PPP2R2B: variants seen among roughly 807,000 people sequenced by gnomAD.
PPP2R2B encodes protein phosphatase 2 regulatory subunit Bbeta, also known as serine/threonine-protein phosphatase 2A 55 kDa regulatory subunit B beta isoform.
In PPP2R2B, 5 loss-of-function variants were observed where a neutral mutation model predicts 46.0. The ratio of observed to expected loss-of-function variants is 0.11; its 90% confidence interval spans 0.06 to 0.23. PPP2R2B has a LOEUF of 0.23. Ranked by LOEUF, PPP2R2B falls within the 10% of genes least tolerant of loss-of-function variation. The probability of loss-of-function intolerance (pLI) is 1.00; values close to 1 mark genes in which losing one functional copy is unlikely to be tolerated. For missense variants in PPP2R2B, 367 were observed against 575.0 expected, an observed-to-expected ratio of 0.64 and a Z score of 3.70; for synonymous variants, 215 against 206.7, an observed-to-expected ratio of 1.04 and a Z score of -0.34.
chr5:146,628,831 A>T (rs976069863), intron 7 of PPP2R2B, among the ~76,000 whole-genome samples: 6 of 152,130 alleles, frequency 3.9e-5, no homozygotes, highest in African/African-American at 1.4e-4. Context: ...CACCCCTCTC[A>T]TCTTTCTTGC....
intron 1 of PPP2R2B, among the ~76,000 whole-genome samples, chr5:146,952,364 T>A (rs1751655021): frequency 6.6e-6 from 1 of 152,234 alleles, no homozygotes; most frequent in East Asian, 1.9e-4. Context: ...CTCTTTTCCA[T>A]CACTGTGTGT....
intron 2 of PPP2R2B, among the ~76,000 whole-genome samples, chr5:146,782,519 T>C (rs907442118): frequency 6.6e-6 from 1 of 152,240 alleles, no homozygotes; most frequent in African/African-American, 2.4e-5. Flanking sequence ...GCCTGAGTGA[T>C]GACTACCTGA....
chr5:147,056,552 A>G (rs1757090227), upstream of PPP2R2B, among the ~76,000 whole-genome samples: 1 of 152,178 alleles, frequency 6.6e-6, no homozygotes. Flanking sequence ...GACTAAACCC[A>G]AAGGAACTGA....
In PPP2R2B at chr5:146,874,558, A is replaced by G. The variant is rs185811457; in HGVS notation, c.70+3444T>C. On this transcript the variant is annotated intron_variant, in intron 2 of 9. Coordinates refer to ENST00000394411, the MANE Select transcript of PPP2R2B (RefSeq NM_181675.4). ...CTGCATCAAATAATTTTTCTTTGGCATAGGTTCTATTGTTATTCCCACTTT... is the reference window on the plus strand; with the variant it reads ...CTGCATCAAATAATTTTTCTTTGGCGTAGGTTCTATTGTTATTCCCACTTT... Among the ~76,000 whole-genome samples, 175 of 152,322 alleles carry G rather than the reference A, an allele frequency of 1.1e-3. 1 individual carries two copies. The East Asian group carries it at 0.02, about 17-fold the overall frequency.
At chr5:146,591,184 A>T (rs1241952600) in intron 9 of PPP2R2B, among the ~76,000 whole-genome samples, 1 of 152,126 alleles carries the variant, frequency 6.6e-6, no homozygotes, top group African/African-American at 2.4e-5. Flanking sequence ...TGGAGCTCTG[A>T]CTGGCTCCTT....
At chr5:146,976,018 C>G (rs1455307220) in intron 1 of PPP2R2B, among the ~76,000 whole-genome samples, 2 of 151,476 alleles carry the variant, frequency 1.3e-5, no homozygotes, top group African/African-American at 4.9e-5. Flanking sequence ...TTTCCTGTGC[C>G]TGGTATCATA....
chr5:146,651,887 A>G (rs1174437867), intron 5 of PPP2R2B, among the ~76,000 whole-genome samples: 1 of 152,212 alleles, frequency 6.6e-6, no homozygotes, highest in African/African-American at 2.4e-5. Flanking sequence ...TTTAGAAAAA[A>G]GAATTCTCCC....
Position 146,581,712 on chromosome 5 carries a change from G to A in PPP2R2B, c.*8235C>T, listed in dbSNP as rs1289939313. On this transcript the variant is annotated 3_prime_UTR_variant, in exon 10 of 10. Coordinates refer to ENST00000394411, the MANE Select transcript of PPP2R2B (RefSeq NM_181675.4). ...TATTTCAGATCAGTTCTGTATTGTG[G>A]CTTGTATGTAATATGACTCACTTTA... 9 of 152,140 alleles carry A rather than the reference G, an allele frequency of 5.9e-5. No individual in the cohort carries two copies. Among genetic ancestry groups the A allele is most frequent in the African/African-American group, 1.9e-4 (8 of 41,424 alleles). 9.4% of individuals were successfully genotyped at this position (152,140 alleles called of 1,614,324 possible).
In PPP2R2B at chr5:146,877,992, C is replaced by A; in HGVS notation, c.70+10G>T. ...GCCCCAACGGCGGAATGCGGCGGGGCTGGCGTTACCTTCGGTCGCATAGCT... is the reference window on the plus strand; with the variant it reads ...GCCCCAACGGCGGAATGCGGCGGGGATGGCGTTACCTTCGGTCGCATAGCT... On this transcript the variant is annotated intron_variant, in intron 2 of 9. Transcript: ENST00000394411. The A allele has an allele frequency of 1.2e-6, 2 of 1,608,438 alleles. No individual in the cohort carries two copies. Among genetic ancestry groups the A allele is most frequent in the East Asian group, 2.2e-5 (1 of 44,794 alleles).
At chr5:146,927,724 G>T (rs1158510368) in intron 1 of PPP2R2B, among the ~76,000 whole-genome samples, 1 of 151,238 alleles carries the variant, frequency 6.6e-6, no homozygotes, top group Non-Finnish European at 1.5e-5. Context: ...AGACCTTGTA[G>T]CCATACTTTC....
At chr5:146,932,705 T>C (rs1764007575) in intron 1 of PPP2R2B, among the ~76,000 whole-genome samples, 1 of 152,308 alleles carries the variant, frequency 6.6e-6, no homozygotes, top group Non-Finnish European at 1.5e-5. Context: ...ATAGATTCCA[T>C]GAAGAGACTG....
intron 1 of PPP2R2B, among the ~76,000 whole-genome samples, chr5:147,004,854 C>A (rs1407849329): frequency 1.3e-5 from 2 of 152,174 alleles, no homozygotes; most frequent in African/African-American, 4.8e-5. Flanking sequence ...ACCCCACAAC[C>A]AGTGGCATAC....
chr5:146,723,646 C>T (rs1751665154), intron 2 of PPP2R2B, among the ~76,000 whole-genome samples: 1 of 152,060 alleles, frequency 6.6e-6, no homozygotes, highest in Admixed American at 6.6e-5. Context: ...GACCTCCTTG[C>T]CCCAGTTTTC....
intron 9 of PPP2R2B, 47 bp from the exon 10 acceptor site, chr5:146,590,273 CT>C (rs1770484613): frequency 1.4e-6 from 2 of 1,477,472 alleles, no homozygotes; most frequent in Non-Finnish European, 1.8e-6. Context: ...ACTGTCTTTT[CT>C]TTTTGGAGCA....
chr5:146,748,650 CT>C (rs900951387), intron 2 of PPP2R2B, among the ~76,000 whole-genome samples: 2 of 152,048 alleles, frequency 1.3e-5, no homozygotes, highest in African/African-American at 2.4e-5. Flanking sequence ...TTGGAATTGG[CT>C]TTTTTTTCCC....
intron 7 of PPP2R2B, among the ~76,000 whole-genome samples, chr5:146,624,260 T>G (rs1773895140): frequency 6.6e-6 from 1 of 152,162 alleles, no homozygotes; most frequent in South Asian, 2.1e-4. Context: ...ATTTTATGCC[T>G]TTTTAAAAAC....
chr5:147,027,634 C>CAAA (rs10636778), intron 1 of PPP2R2B, among the ~76,000 whole-genome samples: 67,854 of 124,470 alleles, frequency 0.55, 17,752 homozygotes, highest in Middle Eastern at 0.62. Flanking sequence ...GACTCGGTCT[C>CAAA]AAAAAAAAAA....
chr5:146,587,323 C>A lies in PPP2R2B; in HGVS notation c.*2624G>T, dbSNP rs1770214963. The A allele has an allele frequency of 6.6e-6, 1 of 152,180 alleles. No individual in the cohort carries two copies. The highest frequency in any genetic ancestry group is 2.4e-5 in the African/African-American group (1 of 41,432). The allele number at this position is 152,180 out of a possible 1,614,324, so 9.4% of individuals were successfully genotyped here. On this transcript the variant is annotated 3_prime_UTR_variant, in exon 10 of 10. Transcript: ENST00000394411. ...TCTCTAGGGCTTTCCCCTCCTGTTCCCGTCCAGGAGTCTTGGGTGTTTGCT... is the reference window on the plus strand; with the variant it reads ...TCTCTAGGGCTTTCCCCTCCTGTTCACGTCCAGGAGTCTTGGGTGTTTGCT...
At chr5:146,937,091 C>T (rs948638292) in intron 1 of PPP2R2B, among the ~76,000 whole-genome samples, 109 of 152,132 alleles carry the variant, frequency 7.2e-4, no homozygotes, top group African/African-American at 2.6e-3. Flanking sequence ...GACCTGAGGT[C>T]GGCAGTTCGA....
Sources: allele counts gnomAD v4.1 joint callset (sites outside exome capture counted in the v4.1 genomes callset), GRCh38; gene constraint gnomAD v4.1.1; transcripts MANE v1.5; gene names NCBI Gene and HGNC (gene_info 2026-07-23, HGNC 2026-07-21).